Variants in TENM3 observed in about 807,000 individuals in gnomAD.
The protein encoded by TENM3 is teneurin-3.
TENM3 carries 63 observed loss-of-function variants against 255.1 expected under a neutral mutation model. That is an observed-to-expected ratio of 0.25 (90% CI 0.20 to 0.30). The LOEUF is 0.30. Among genes scored for constraint, TENM3 ranks in the 10% least tolerant of loss-of-function variants. TENM3 has a pLI of 1.00. For synonymous variants in TENM3, 1,306 were observed against 1,322.3 expected (o/e 0.99, Z 0.27); for missense variants, 2,929 against 3,461.1 (o/e 0.85, Z 3.86).
chr4:182,206,060 AAAAAG>A (rs534564538), intron 1 of TENM3, among the ~76,000 whole-genome samples: 97 of 152,290 alleles, frequency 6.4e-4, no homozygotes, highest in African/African-American at 2.1e-3. Flanking sequence ...ATTAAAAAAA[AAAAAG>A]AAAGAAATCA....
chr4:182,208,050 A>C lies in TENM3; in HGVS notation c.-76+63296A>C, dbSNP rs748954435. On this transcript the variant is annotated intron_variant, in intron 1 of 2. Transcript: ENST00000512480. Reference sequence around the variant, plus strand: ...CTTAAAAATGTAAGTGTTGCAAAAGAGAGTTGGCCTTTCCCTTTCTGTTGT... The same window carrying C: ...CTTAAAAATGTAAGTGTTGCAAAAGCGAGTTGGCCTTTCCCTTTCTGTTGT... 4.3e-4 allele frequency among the ~76,000 whole-genome samples: 65 copies of C among 152,238 alleles called. 1 individual carries two copies. The highest frequency in any genetic ancestry group is 6.5e-5 in the Admixed American group (1 of 15,286).
intron 3 of TENM3, among the ~76,000 whole-genome samples, chr4:182,435,300 A>G (rs1771965096): frequency 6.6e-6 from 1 of 152,198 alleles, no homozygotes; most frequent in South Asian, 2.1e-4. Flanking sequence ...TATGGTGTTT[A>G]TTACATGACT....
rs1267821115 is a variant in TENM3 at position 182,800,798 on chromosome 4, T to TG, written c.*451dup. On this transcript the variant is annotated 3_prime_UTR_variant, in exon 28 of 28. Coordinates refer to ENST00000511685, the MANE Select transcript of TENM3 (RefSeq NM_001080477.4). Reference sequence around the variant, plus strand: ...AGCTATCTCTGTTCATTTTACAATGTGGGGCAAAGTTACTGTTTCTAGACA... The same window carrying TG: ...AGCTATCTCTGTTCATTTTACAATGTGGGGGCAAAGTTACTGTTTCTAGACA... 2 of 153,948 alleles carry TG rather than the reference T, an allele frequency of 1.3e-5. No homozygotes were observed. Among genetic ancestry groups the TG allele is most frequent in the Non-Finnish European group, 1.5e-5 (1 of 68,838 alleles). 9.5% of individuals were successfully genotyped at this position (153,948 alleles called of 1,614,324 possible).
intron 3 of TENM3, among the ~76,000 whole-genome samples, chr4:182,467,329 A>G (rs1274418522): frequency 2.0e-5 from 3 of 152,188 alleles, no homozygotes; most frequent in Non-Finnish European, 4.4e-5. Context: ...GATTGTCAAC[A>G]AAGCTGATTT....
At chr4:182,636,987 CT>C (rs1751900943) in intron 5 of TENM3, among the ~76,000 whole-genome samples, 1 of 152,162 alleles carries the variant, frequency 6.6e-6, no homozygotes, top group African/African-American at 2.4e-5. Flanking sequence ...ATATTTACCA[CT>C]TTACTGCTAC....
At position 182,160,058 on chromosome 4, in the gene TENM3, A is replaced by T. The variant is rs561031532; in HGVS notation, c.-76+15304A>T. Among the ~76,000 whole-genome samples the T allele has an allele frequency of 8.1e-5, 12 of 147,356 alleles. No individual in the cohort carries two copies. In the South Asian group the frequency reaches 1.1e-3, roughly 13 times the overall value. ...CGCTCTGTCGCCCAGGCTGGAGTGC[A>T]GCGGTGCGATCTCGGCTCACTGCAA... On this transcript the variant is annotated intron_variant, in intron 1 of 2. Coordinates refer to the TENM3 transcript ENST00000512480.
the TENM3 span, among the ~76,000 whole-genome samples, chr4:182,037,084 T>C: frequency 6.6e-6 from 1 of 152,134 alleles, no homozygotes; most frequent in Non-Finnish European, 1.5e-5. Flanking sequence ...TCTATATAGA[T>C]GTACTCTCAT....
chr4:181,810,864 A>G, the TENM3 span, among the ~76,000 whole-genome samples: 1 of 152,064 alleles, frequency 6.6e-6, no homozygotes, highest in Non-Finnish European at 1.5e-5. Flanking sequence ...GTGTGGTTGG[A>G]TCTAAGGAGT....
the TENM3 span, among the ~76,000 whole-genome samples, chr4:181,929,748 G>T: frequency 5.3e-5 from 8 of 152,034 alleles, no homozygotes; most frequent in African/African-American, 1.2e-4. Flanking sequence ...GCACCACATT[G>T]CACTTATTCT....
intron 2 of TENM3, among the ~76,000 whole-genome samples, chr4:182,338,045 T>C (rs1764253132): frequency 6.6e-6 from 1 of 152,216 alleles, no homozygotes; most frequent in Admixed American, 6.5e-5. Context: ...GGTACATTTG[T>C]TAAAACTCAT....
the TENM3 span, among the ~76,000 whole-genome samples, chr4:181,958,565 C>T: frequency 6.6e-4 from 101 of 152,194 alleles, 3 homozygotes; most frequent in South Asian, 0.02. Context: ...TGAAGCTGGG[C>T]ATGTTGTCTA....
At chr4:181,528,010 TA>T in the TENM3 span, among the ~76,000 whole-genome samples, 1 of 152,064 alleles carries the variant, frequency 6.6e-6, no homozygotes, top group Non-Finnish European at 1.5e-5. Flanking sequence ...AACAATTTTT[TA>T]AAAGGGGGGG....
At chr4:182,045,295 C>G in the TENM3 span, among the ~76,000 whole-genome samples, 11 of 151,346 alleles carry the variant, frequency 7.3e-5, no homozygotes, top group African/African-American at 1.7e-4. Flanking sequence ...CCCAAGGAAG[C>G]GTTCAGGCTG....
At chr4:182,164,651 C>T (rs752521655) in intron 1 of TENM3, among the ~76,000 whole-genome samples, 9 of 152,174 alleles carry the variant, frequency 5.9e-5, no homozygotes, top group Non-Finnish European at 1.0e-4. Flanking sequence ...TCTTTCTTTT[C>T]CACTTGATTG....
chr4:182,549,477 G>C (rs1402519599), intron 3 of TENM3, among the ~76,000 whole-genome samples: 1 of 152,052 alleles, frequency 6.6e-6, no homozygotes, highest in Admixed American at 6.6e-5. Flanking sequence ...CTCTTTAAGC[G>C]CTTAGCTTTT....
chr4:181,728,806 T>C, the TENM3 span, among the ~76,000 whole-genome samples: 2 of 152,216 alleles, frequency 1.3e-5, no homozygotes, highest in Admixed American at 6.5e-5. Flanking sequence ...AGCTTTCTTT[T>C]ACCCAGCCCC....
At position 182,771,509 on chromosome 4, in the gene TENM3, G is replaced by T. The variant is rs866225519; in HGVS notation, c.4893-1963G>T. 4.2e-5 allele frequency among the ~76,000 whole-genome samples: 6 copies of T among 143,090 alleles called. 1 individual carries two copies. Among genetic ancestry groups the T allele is most frequent in the African/African-American group, 1.3e-4 (5 of 39,714 alleles). The allele number at this position is 143,090 out of a possible 152,430, so 93.9% of individuals were successfully genotyped here. A position where few individuals can be genotyped will look rare whatever the true frequency, so the allele number is the denominator to read the frequency against. ...TTCCGTCTCTGAAATGGGGGGGGGG[G>T]AAATAGTACAATACAGAATTCTCCT... On this transcript the variant is annotated intron_variant, in intron 22 of 27. Coordinates refer to ENST00000511685, the MANE Select transcript of TENM3 (RefSeq NM_001080477.4).
the TENM3 span, among the ~76,000 whole-genome samples, chr4:182,106,539 C>G: frequency 6.6e-6 from 1 of 152,186 alleles, no homozygotes; most frequent in Non-Finnish European, 1.5e-5. Context: ...GAAAAACCAC[C>G]TTGGCCATCA....
intron 1 of TENM3, among the ~76,000 whole-genome samples, chr4:182,317,466 T>G (rs1561313801): frequency 6.6e-6 from 1 of 151,858 alleles, no homozygotes; most frequent in African/African-American, 2.4e-5. Context: ...TGCCTGTTTT[T>G]TTTTGTTTTG....
Sources: allele counts gnomAD v4.1 joint callset (sites outside exome capture counted in the v4.1 genomes callset), GRCh38; gene constraint gnomAD v4.1.1; transcripts MANE v1.5; gene names NCBI Gene and HGNC (gene_info 2026-07-23, HGNC 2026-07-21).